Variants in WDR4 observed in about 807,000 individuals in gnomAD.
WDR4 encodes the protein WDR4 tRNA N7-guanosine methyltransferase non-catalytic subunit.
A neutral mutation model predicts 48.6 loss-of-function variants in WDR4; 47 were observed. The observed-to-expected ratio is 0.97, with a 90% CI of 0.77 to 1.23. WDR4 has a LOEUF of 1.23. Ranked by LOEUF, WDR4 falls within the 50% of genes most tolerant of loss-of-function variation. The pLI, the probability that WDR4 is intolerant of heterozygous loss-of-function variation, is 0.00. For synonymous variants in WDR4, 268 were observed against 230.0 expected (o/e 1.17, Z -1.49); for missense variants, 606 against 551.6 (o/e 1.10, Z -0.99).
At chr21:42,867,577 T>A (rs909537884) in intron 3 of WDR4, among the ~76,000 whole-genome samples, 4 of 152,156 alleles carry the variant, frequency 2.6e-5, no homozygotes, top group Non-Finnish European at 4.4e-5. Context: ...TGGCTCAGCA[T>A]CCCTAACCTA....
At chr21:42,851,647 C>T (rs898796983) in intron 10 of WDR4, among the ~76,000 whole-genome samples, 1 of 152,212 alleles carries the variant, frequency 6.6e-6, no homozygotes, top group African/African-American at 2.4e-5. Context: ...TACAGTGTGT[C>T]GTGTCCCCAG....
At chr21:42,855,884 G>T in intron 6 of WDR4, 104 bp from the exon 7 acceptor site, 1 of 784,672 alleles carries the variant, frequency 1.3e-6, no homozygotes, top group Non-Finnish European at 1.9e-6. Flanking sequence ...CTCCGTGACA[G>T]CCATGCCACC....
At chr21:42,875,814 A>C (rs1436778978) in intron 2 of WDR4, among the ~76,000 whole-genome samples, 2 of 152,152 alleles carry the variant, frequency 1.3e-5, no homozygotes, top group African/African-American at 2.4e-5. Flanking sequence ...CAATTAGCTG[A>C]AGTTAACTTC....
At chr21:42,869,752 G>A (rs1357012646) in intron 3 of WDR4, among the ~76,000 whole-genome samples, 2 of 152,178 alleles carry the variant, frequency 1.3e-5, no homozygotes, top group African/African-American at 2.4e-5. Context: ...GCTCACACCT[G>A]TAATCCCGGC....
chr21:42,887,150 G>A, the WDR4 span, among the ~76,000 whole-genome samples: 1 of 151,816 alleles, frequency 6.6e-6, no homozygotes, highest in Non-Finnish European at 1.5e-5. Flanking sequence ...GCACCACCAT[G>A]CCCGGCTAAT....
intron 6 of WDR4, among the ~76,000 whole-genome samples, chr21:42,858,318 A>G (rs764864758): frequency 7.9e-5 from 12 of 152,130 alleles, no homozygotes; most frequent in Non-Finnish European, 1.6e-4. Flanking sequence ...CTCCAGGCAG[A>G]AGGAGAGCCC....
intron 9 of WDR4, among the ~76,000 whole-genome samples, chr21:42,853,043 C>T (rs1345918530): frequency 4.6e-5 from 7 of 152,284 alleles, no homozygotes; most frequent in East Asian, 1.9e-4. Context: ...TTACCAGGAG[C>T]GATGCAGACA....
chr21:42,866,131 CAT>C (rs1368673497), intron 3 of WDR4, among the ~76,000 whole-genome samples: 6 of 152,188 alleles, frequency 3.9e-5, no homozygotes, highest in Admixed American at 1.3e-4. Context: ...CATAAACACA[CAT>C]GTCAAAATCA....
chr21:42,846,952 CGGAGGTTGCAGTGAGGT>C (rs56187942), downstream of WDR4, among the ~76,000 whole-genome samples: 28,371 of 151,160 alleles, frequency 0.19, 3,557 homozygotes, highest in African/African-American at 0.37. Flanking sequence ...ACCCGGGAGG[CGGAGGTTGCAGTGAGGT>C]GGAGGTTGCA....
chr21:42,877,113 A>AGCCACTGCGCCTGGCCCG (rs1569338436), intron 1 of WDR4, among the ~76,000 whole-genome samples: 1 of 139,888 alleles, frequency 7.1e-6, no homozygotes, highest in African/African-American at 2.5e-5. Context: ...CGCCTGGCCC[A>AGCCACTGCGCCTGGCCCG]TGTGAGCCAC....
intron 7 of WDR4, 31 bp from the exon 8 acceptor site, chr21:42,854,657 G>A (rs367904468): frequency 9.3e-6 from 15 of 1,607,378 alleles, no homozygotes; most frequent in African/African-American, 5.4e-5. Context: ...TTAACTTCAC[G>A]CCACCTGCAG....
intron 3 of WDR4, among the ~76,000 whole-genome samples, chr21:42,866,470 A>G (rs2058249418): frequency 6.6e-6 from 1 of 152,050 alleles, no homozygotes; most frequent in African/African-American, 2.4e-5. Flanking sequence ...AACCTCTAAA[A>G]CTGAATGGAG....
At chr21:42,864,725 G>A (rs2058210210) in intron 3 of WDR4, among the ~76,000 whole-genome samples, 1 of 152,184 alleles carries the variant, frequency 6.6e-6, no homozygotes, top group Admixed American at 6.5e-5. Flanking sequence ...CTTCGCCAGG[G>A]CTCAGGGCTA....
intron 3 of WDR4, among the ~76,000 whole-genome samples, chr21:42,870,672 C>T (rs1446229093): frequency 6.6e-6 from 1 of 151,938 alleles, no homozygotes; most frequent in Non-Finnish European, 1.5e-5. Context: ...GCTTGTAATC[C>T]CAGCTACTTG....
chr21:42,859,087 T>C (rs986271031), intron 6 of WDR4, among the ~76,000 whole-genome samples: 1 of 152,068 alleles, frequency 6.6e-6, no homozygotes. Flanking sequence ...ACCCAATTGC[T>C]GGGACACAGA....
At chr21:42,866,624 T>C (rs2058252708) in intron 3 of WDR4, among the ~76,000 whole-genome samples, 1 of 152,068 alleles carries the variant, frequency 6.6e-6, no homozygotes, top group African/African-American at 2.4e-5. Context: ...GCCTGCCAGC[T>C]CAGCATGGTT....
chr21:42,892,919 T>A, the WDR4 span, among the ~76,000 whole-genome samples: 4 of 152,238 alleles, frequency 2.6e-5, no homozygotes, highest in Non-Finnish European at 5.9e-5. Context: ...AGGACCAGAC[T>A]GTGCCCCCAG....
chr21:42,863,254 G>A (rs80302014), intron 4 of WDR4, among the ~76,000 whole-genome samples, 186 bp downstream of exon 4: 4,614 of 152,272 alleles, frequency 0.03, 88 homozygotes, highest in Middle Eastern at 0.061. Flanking sequence ...GGCACAGACC[G>A]GGCAGACGTT....
intron 7 of WDR4, 115 bp from the exon 8 acceptor site, chr21:42,854,741 G>A (rs2057941328): frequency 1.1e-6 from 1 of 896,022 alleles, no homozygotes; most frequent in Non-Finnish European, 1.7e-6. Flanking sequence ...TATCAAGGAA[G>A]AGGAAACAGC....
Sources: gnomAD v4.1 joint callset for allele counts (sites outside exome capture counted in the v4.1 genomes callset) on GRCh38, gnomAD v4.1.1 for gene constraint, MANE v1.5 for transcripts, NCBI Gene and HGNC (gene_info 2026-07-23, HGNC 2026-07-21) for gene names.